Variants in MARCHF4 observed in about 807,000 individuals in gnomAD.
MARCHF4 encodes the protein membrane associated ring-CH-type finger 4.
In MARCHF4, 14 loss-of-function variants were observed where a neutral mutation model predicts 43.9. That is an observed-to-expected ratio of 0.32 (90% confidence interval 0.21 to 0.50). MARCHF4 has a LOEUF of 0.50. MARCHF4 is among the 20% of genes least tolerant of loss of function. MARCHF4 has a pLI of 0.98. For synonymous variants in MARCHF4, 226 were observed against 213.3 expected (o/e 1.06, Z -0.52); for missense variants, 468 against 536.7 (o/e 0.87, Z 1.27).
In MARCHF4 at chr2:216,263,193, G is replaced by A. The variant is rs758048934; in HGVS notation, c.866-3514C>T. Among the ~76,000 whole-genome samples, 7 of 152,188 alleles carry A rather than the reference G, an allele frequency of 4.6e-5. No individual in the cohort carries two copies. The East Asian group carries it at 5.8e-4, about 13-fold the overall frequency. On this transcript the variant is annotated intron_variant, in intron 3 of 3. Coordinates refer to ENST00000273067, the MANE Select transcript of MARCHF4 (RefSeq NM_020814.3). The stretch of plus-strand genomic sequence containing the variant: ...TGAAATCCCAGCACTTTGGGAGGCC[G>A]CGGCAGGTGGATCACCTGAGGTCAG...
chr2:216,259,364 C>A lies in MARCHF4; in HGVS notation c.1181G>T (p.Arg394Leu). Reference protein sequence around the residue: ...ILSHLRPHEQRSPPGSSRELV... With the variant: ...ILSHLRPHEQLSPPGSSRELV... ...CTCTCGGCTGCTGCCTGGGGGACTT[C>A]GCTGTTCATGAGGTCTCAAGTGACT... is the stretch of plus-strand genomic sequence containing the variant. The change falls in exon 4 of 4, where the codon CGA (arginine) becomes CTA (leucine). Residue 394 changes from arginine (R) to leucine (L), a missense_variant. By Grantham distance (102) the Arg-to-Leu change is moderately radical. This residue lies in a region of MARCHF4 where 120 missense variants were observed against 127.1 expected (regional missense o/e 0.94). Coordinates refer to ENST00000273067, the MANE Select transcript of MARCHF4 (RefSeq NM_020814.3). 1.3e-6 allele frequency: 2 copies of A among 1,591,982 alleles called. No individual in the cohort carries two copies. The highest frequency in any genetic ancestry group is 1.7e-6 in the Non-Finnish European group (2 of 1,165,954).
chr2:216,308,346 G>A (rs1379232317), intron 1 of MARCHF4, among the ~76,000 whole-genome samples: 3 of 152,204 alleles, frequency 2.0e-5, no homozygotes, highest in Non-Finnish European at 2.9e-5. Context: ...AGAGTTTCCA[G>A]TGAGCCATGA....
intron 1 of MARCHF4, among the ~76,000 whole-genome samples, chr2:216,325,554 G>A (rs1334391782): frequency 6.6e-6 from 1 of 152,128 alleles, no homozygotes; most frequent in East Asian, 1.9e-4. Flanking sequence ...CACACTACCT[G>A]ACTTCAAACT....
At chr2:216,340,134 G>A (rs969792473) in intron 1 of MARCHF4, among the ~76,000 whole-genome samples, 2 of 152,086 alleles carry the variant, frequency 1.3e-5, no homozygotes, top group Non-Finnish European at 2.9e-5. Context: ...AGTTGAGAGG[G>A]TGGGGCTGCT....
chr2:216,307,832 G>A (rs1691615177), intron 1 of MARCHF4, among the ~76,000 whole-genome samples: 1 of 151,992 alleles, frequency 6.6e-6, no homozygotes, highest in African/African-American at 2.4e-5. Flanking sequence ...AGCGCTTGAG[G>A]CCAGGATTTT....
intron 1 of MARCHF4, among the ~76,000 whole-genome samples, chr2:216,363,001 CT>C (rs1692610738): frequency 6.6e-6 from 1 of 152,066 alleles, no homozygotes; most frequent in South Asian, 2.1e-4. Context: ...CTTTAAGTGT[CT>C]CCTCTCCCTC....
intron 1 of MARCHF4, among the ~76,000 whole-genome samples, chr2:216,365,932 A>G (rs1692660171): frequency 6.6e-6 from 1 of 152,310 alleles, no homozygotes; most frequent in South Asian, 2.1e-4. Flanking sequence ...AAAGACTTTG[A>G]TGATGGAAAC....
intron 3 of MARCHF4, among the ~76,000 whole-genome samples, chr2:216,263,456 AG>A (rs1690776844): frequency 6.7e-6 from 1 of 150,348 alleles, no homozygotes; most frequent in Non-Finnish European, 1.5e-5. Flanking sequence ...AGAGAGAGAG[AG>A]AGAAAGAAAG....
intron 1 of MARCHF4, among the ~76,000 whole-genome samples, chr2:216,337,152 G>GA (rs749557419): frequency 1.3e-3 from 141 of 107,448 alleles, no homozygotes; most frequent in South Asian, 2.1e-3. Context: ...ACTCCCTCTT[G>GA]AAAAAAAAAA....
At chr2:216,270,493 T>C (rs1270284174) in intron 3 of MARCHF4, among the ~76,000 whole-genome samples, 1 of 152,116 alleles carries the variant, frequency 6.6e-6, no homozygotes, top group Admixed American at 6.5e-5. Flanking sequence ...GGGGACTACC[T>C]GTGTGCTATA....
chr2:216,285,232 C>T (rs113461969), intron 1 of MARCHF4, among the ~76,000 whole-genome samples: 39 of 152,368 alleles, frequency 2.6e-4, no homozygotes, highest in African/African-American at 8.2e-4. Context: ...ATGGGAACCA[C>T]ATCCATTTTG....
intron 3 of MARCHF4, among the ~76,000 whole-genome samples, chr2:216,276,784 C>T (rs1691029543): frequency 1.3e-5 from 2 of 152,252 alleles, no homozygotes. Flanking sequence ...GGATGTCTGA[C>T]CAGCGCTTCC....
chr2:216,346,915 G>C (rs577274523), intron 1 of MARCHF4, among the ~76,000 whole-genome samples: 1 of 152,130 alleles, frequency 6.6e-6, no homozygotes, highest in Non-Finnish European at 1.5e-5. Context: ...TAGATCATGG[G>C]GGGGATTTCC....
intron 3 of MARCHF4, among the ~76,000 whole-genome samples, chr2:216,273,681 C>T (rs192279745): frequency 2.6e-5 from 4 of 152,326 alleles, no homozygotes; most frequent in Non-Finnish European, 4.4e-5. Flanking sequence ...AGCAAACTAA[C>T]CTATCAGGTT....
At chr2:216,358,706 G>A (rs1389477070) in intron 1 of MARCHF4, among the ~76,000 whole-genome samples, 5 of 152,108 alleles carry the variant, frequency 3.3e-5, no homozygotes, top group Non-Finnish European at 7.4e-5. Flanking sequence ...GAGACTTCTA[G>A]AACTCACCCA....
chr2:216,280,925 TG>T (rs975431277), intron 2 of MARCHF4, among the ~76,000 whole-genome samples: 23 of 152,086 alleles, frequency 1.5e-4, no homozygotes, highest in Non-Finnish European at 1.5e-4. Flanking sequence ...GAAGCAGCCA[TG>T]AAACCTTTAG....
intron 1 of MARCHF4, among the ~76,000 whole-genome samples, chr2:216,310,634 T>G (rs1691671049): frequency 6.6e-6 from 1 of 152,214 alleles, no homozygotes; most frequent in Non-Finnish European, 1.5e-5. Flanking sequence ...TCTGGGGTGA[T>G]GCAGGGTAAG....
chr2:216,271,850 G>A (rs1166744844), intron 3 of MARCHF4, among the ~76,000 whole-genome samples: 1 of 151,850 alleles, frequency 6.6e-6, no homozygotes, highest in Non-Finnish European at 1.5e-5. Context: ...GAGTACAGTG[G>A]CACCATCATA....
At chr2:216,323,086 T>C (rs553462259) in intron 1 of MARCHF4, among the ~76,000 whole-genome samples, 1 of 152,216 alleles carries the variant, frequency 6.6e-6, no homozygotes, top group Non-Finnish European at 1.5e-5. Flanking sequence ...GTTTTCTGAA[T>C]GAGTGTACCT....
Sources: allele counts gnomAD v4.1 joint callset (sites outside exome capture counted in the v4.1 genomes callset), GRCh38; gene constraint gnomAD v4.1.1; regional missense constraint gnomAD v4.1.1; transcripts MANE v1.5; gene names NCBI Gene and HGNC (gene_info 2026-07-23, HGNC 2026-07-21).